The following TAFA2 variants were observed in gnomAD, a reference collection of about 807,000 sequenced individuals.
The protein encoded by TAFA2 is TAFA chemokine like family member 2.
TAFA2 carries 7 observed loss-of-function variants against 18.8 expected under a neutral mutation model. That is an observed-to-expected ratio of 0.37 (90% CI 0.21 to 0.70). TAFA2 has a LOEUF of 0.70. Among genes scored for constraint, TAFA2 ranks in the 30% least tolerant of loss-of-function variants. The probability of loss-of-function intolerance (pLI) is 0.53; values close to 1 mark genes in which losing one functional copy is unlikely to be tolerated. For synonymous variants in TAFA2, 60 were observed against 54.2 expected (o/e 1.11, Z -0.47); for missense variants, 122 against 158.1 (o/e 0.77, Z 1.23).
At chr12:61,718,514 T>C (rs913182424) in intron 4 of TAFA2, among the ~76,000 whole-genome samples, 2 of 152,136 alleles carry the variant, frequency 1.3e-5, no homozygotes, top group African/African-American at 2.4e-5. Flanking sequence ...ATTAAGATAA[T>C]GGTGAAAGTC....
At chr12:62,235,792 C>T (rs1186655103) in intron 1 of TAFA2, among the ~76,000 whole-genome samples, 1 of 151,972 alleles carries the variant, frequency 6.6e-6, no homozygotes, top group Non-Finnish European at 1.5e-5. Context: ...CTCATTGTGT[C>T]ACCCAGGCTG....
At chr12:61,726,772 G>T (rs1870187285) in intron 4 of TAFA2, among the ~76,000 whole-genome samples, 1 of 151,864 alleles carries the variant, frequency 6.6e-6, no homozygotes, top group Non-Finnish European at 1.5e-5. Context: ...TTGAATAAAA[G>T]TGGTGAAAGT....
intron 2 of TAFA2, among the ~76,000 whole-genome samples, chr12:61,777,845 A>G (rs1870334968): frequency 6.6e-6 from 1 of 151,866 alleles, no homozygotes. Context: ...TTTGATAGAA[A>G]TAACTTTTCT....
chr12:62,225,791 GT>G (rs1186616792), intron 1 of TAFA2, among the ~76,000 whole-genome samples: 2 of 152,180 alleles, frequency 1.3e-5, no homozygotes, highest in African/African-American at 4.8e-5. Flanking sequence ...TTACATGTAA[GT>G]TTGACAAGGA....
intron 1 of TAFA2, among the ~76,000 whole-genome samples, chr12:61,985,586 A>G (rs1228114029): frequency 6.6e-6 from 1 of 152,222 alleles, no homozygotes; most frequent in African/African-American, 2.4e-5. Flanking sequence ...CGATATTAAC[A>G]TATTAGAATG....
intron 1 of TAFA2, among the ~76,000 whole-genome samples, chr12:61,929,832 A>T (rs939818544): frequency 8.5e-5 from 13 of 152,176 alleles, no homozygotes; most frequent in Non-Finnish European, 1.9e-4. Flanking sequence ...GCCATAAAAA[A>T]GGATGAGTTC....
At chr12:62,085,617 G>A (rs1274765404) in intron 1 of TAFA2, among the ~76,000 whole-genome samples, 2 of 152,044 alleles carry the variant, frequency 1.3e-5, no homozygotes, top group Admixed American at 1.3e-4. Context: ...GATTGGAGAT[G>A]GAATGTAGTG....
chr12:61,720,233 C>T (rs2120590581), intron 4 of TAFA2, among the ~76,000 whole-genome samples: 1 of 152,034 alleles, frequency 6.6e-6, no homozygotes, highest in East Asian at 1.9e-4. Flanking sequence ...AAGAATGGAC[C>T]ATTAGGTAAG....
At chr12:61,896,517 T>TA (rs1875851417) in intron 1 of TAFA2, among the ~76,000 whole-genome samples, 1 of 152,214 alleles carries the variant, frequency 6.6e-6, no homozygotes, top group Non-Finnish European at 1.5e-5. Flanking sequence ...CTGATATTAC[T>TA]AGGCCACTTC....
chr12:62,226,126 G>A (rs1267403810), intron 1 of TAFA2, among the ~76,000 whole-genome samples: 3 of 151,738 alleles, frequency 2.0e-5, no homozygotes, highest in Non-Finnish European at 4.4e-5. Flanking sequence ...TCTCCAGTAA[G>A]TACCTTTGCT....
chr12:62,154,328 G>T (rs2062353321), intron 1 of TAFA2, among the ~76,000 whole-genome samples: 1 of 152,096 alleles, frequency 6.6e-6, no homozygotes, highest in Non-Finnish European at 1.5e-5. Context: ...TAGGGGAGAA[G>T]CTTTTTTGGA....
intron 1 of TAFA2, among the ~76,000 whole-genome samples, chr12:61,941,413 A>C (rs915357349): frequency 6.6e-6 from 1 of 152,224 alleles, no homozygotes; most frequent in African/African-American, 2.4e-5. Context: ...AGGCAAAACA[A>C]GATCTTGCCA....
chr12:61,753,482 T>G, intron 4 of TAFA2, 140 bp downstream of exon 4: 1 of 714,480 alleles, frequency 1.4e-6, no homozygotes, highest in Non-Finnish European at 2.2e-6. Flanking sequence ...AAAAGCGAAC[T>G]AAGAAAAAAA....
At chr12:62,164,433 T>G (rs2062425981) in intron 1 of TAFA2, among the ~76,000 whole-genome samples, 1 of 152,180 alleles carries the variant, frequency 6.6e-6, no homozygotes, top group Non-Finnish European at 1.5e-5. Flanking sequence ...TCTTAATCAA[T>G]TATCAGTTTT....
At position 62,146,548 on chromosome 12, in the gene TAFA2, G is replaced by A. The variant is rs185477346; in HGVS notation, c.-2+44711C>T. Among the ~76,000 whole-genome samples the A allele has an allele frequency of 2.4e-3, 364 of 152,230 alleles. 1 individual carries two copies. Among genetic ancestry groups the A allele is most frequent in the Non-Finnish European group, 3.4e-3 (232 of 68,002 alleles). ...TAGGAAGTGGTCTTGGGAAATGACT[G>A]GAGGTAGGAAGGCTTCTGGTTCTTA... On this transcript the variant is annotated intron_variant, in intron 1 of 4. Coordinates refer to ENST00000416284, the MANE Select transcript of TAFA2 (RefSeq NM_178539.5).
At chr12:61,767,704 C>G (rs1163741423) in intron 2 of TAFA2, among the ~76,000 whole-genome samples, 1 of 151,974 alleles carries the variant, frequency 6.6e-6, no homozygotes, top group African/African-American at 2.4e-5. Context: ...TAAGGAACAT[C>G]CAGGTTCTGA....
At chr12:62,058,810 A>C (rs540315660) in intron 1 of TAFA2, among the ~76,000 whole-genome samples, 2 of 152,280 alleles carry the variant, frequency 1.3e-5, no homozygotes, top group South Asian at 4.1e-4. Flanking sequence ...AAATTTTAAA[A>C]AATATATCTG....
chr12:61,931,790 G>T (rs940881549), intron 1 of TAFA2, among the ~76,000 whole-genome samples: 2 of 152,028 alleles, frequency 1.3e-5, no homozygotes, highest in Non-Finnish European at 1.5e-5. Context: ...TATCTTCTTT[G>T]GGAAATCTTC....
At chr12:61,998,238 T>G (rs1373074919) in intron 1 of TAFA2, among the ~76,000 whole-genome samples, 1 of 152,158 alleles carries the variant, frequency 6.6e-6, no homozygotes, top group Non-Finnish European at 1.5e-5. Context: ...AATAACAGGT[T>G]TCAAGTGAAG....
Sources: gnomAD v4.1 joint callset for allele counts (sites outside exome capture counted in the v4.1 genomes callset) on GRCh38, gnomAD v4.1.1 for gene constraint, MANE v1.5 for transcripts, NCBI Gene and HGNC (gene_info 2026-07-23, HGNC 2026-07-21) for gene names.